The following RNPEP variants were observed in gnomAD, a reference collection of about 807,000 sequenced individuals.
RNPEP encodes the protein aminopeptidase B.
A neutral mutation model predicts 70.1 loss-of-function variants in RNPEP; 57 were observed. The observed-to-expected ratio is 0.81, with a 90% CI of 0.66 to 1.01. The LOEUF (loss-of-function observed/expected upper bound fraction) is 1.01. Among genes scored for constraint, RNPEP ranks in the 50% least tolerant of loss-of-function variants. The probability of loss-of-function intolerance (pLI) is 0.00; values close to 1 mark genes in which losing one functional copy is unlikely to be tolerated. For synonymous variants in RNPEP, 335 were observed against 357.4 expected, an observed-to-expected ratio of 0.94 and a Z score of 0.71; for missense variants, 787 against 852.4, an observed-to-expected ratio of 0.92 and a Z score of 0.96.
At chr1:201,988,140 C>T (rs1260806642) in intron 1 of RNPEP, among the ~76,000 whole-genome samples, 1 of 133,138 alleles carries the variant, frequency 7.5e-6, no homozygotes, top group Non-Finnish European at 1.6e-5. Context: ...AACTCTATCT[C>T]GAAAAAAAAA....
chr1:201,995,030 G>T (rs1385648014), intron 3 of RNPEP, among the ~76,000 whole-genome samples: 1 of 151,934 alleles, frequency 6.6e-6, no homozygotes, highest in African/African-American at 2.4e-5. Flanking sequence ...GCAGCCAGGG[G>T]CTCTTGGTCA....
At chr1:201,993,596 C>CA (rs528351091) in intron 3 of RNPEP, among the ~76,000 whole-genome samples, 14 of 128,418 alleles carry the variant, frequency 1.1e-4, no homozygotes, top group Non-Finnish European at 2.3e-4. Flanking sequence ...GACTCCACCT[C>CA]AAAAAAAAGC....
intron 3 of RNPEP, among the ~76,000 whole-genome samples, chr1:201,993,838 A>G (rs2102970633): frequency 6.6e-6 from 1 of 152,088 alleles, no homozygotes; most frequent in Admixed American, 6.6e-5. Context: ...GGCACGACAC[A>G]CTGTCCTTCC....
intron 9 of RNPEP, 118 bp downstream of exon 9, chr1:202,003,579 A>G (rs1282961658): frequency 4.3e-6 from 3 of 701,108 alleles, no homozygotes; most frequent in African/African-American, 3.6e-5. Context: ...TACACTAGGG[A>G]GGCTGGCACT....
At chr1:202,004,591 A>G in intron 10 of RNPEP, 95 bp downstream of exon 10, 1 of 1,464,152 alleles carries the variant, frequency 6.8e-7, no homozygotes, top group East Asian at 2.3e-5. Context: ...TCTAGGACTC[A>G]TCTGAGGCAC....
At position 201,997,268 on chromosome 1, in the gene RNPEP, G is replaced by A. The variant is rs772173933; in HGVS notation, c.855-51G>A. 8 of 1,412,778 alleles carry A rather than the reference G, an allele frequency of 5.7e-6. No individual in the cohort carries two copies. The South Asian group carries it at 9.2e-5, about 16-fold the overall frequency. The allele number at this position is 1,412,778 out of a possible 1,614,324, so 87.5% of individuals were successfully genotyped here. On this transcript the variant is annotated intron_variant, in intron 4 of 10. Coordinates refer to ENST00000295640, the MANE Select transcript of RNPEP (RefSeq NM_020216.4). ...AGGCTGGAAAGGGAGGCGAGGTAGGGTCTGCTCCGGGAAGCCAGGGCCTCT... is the reference window on the plus strand; with the variant it reads ...AGGCTGGAAAGGGAGGCGAGGTAGGATCTGCTCCGGGAAGCCAGGGCCTCT...
chr1:201,983,202 G>T, intron 1 of RNPEP, 89 bp downstream of exon 1: 1 of 1,388,506 alleles, frequency 7.2e-7, no homozygotes, highest in South Asian at 1.6e-5. Context: ...CACCCGGGAG[G>T]AGGGACAGGG....
intron 1 of RNPEP, among the ~76,000 whole-genome samples, chr1:201,984,080 G>A (rs1283294838): frequency 6.6e-6 from 1 of 152,070 alleles, no homozygotes; most frequent in African/African-American, 2.4e-5. Context: ...ACAGGCGTGC[G>A]CCACCACACC....
intron 5 of RNPEP, among the ~76,000 whole-genome samples, chr1:201,997,765 A>AGTT (rs1410253527): frequency 0.028 from 1,280 of 45,426 alleles, 24 homozygotes; most frequent in African/African-American, 0.048. Flanking sequence ...CCAGGTCATT[A>AGTT]GTTTTTTTTT....
At chr1:202,000,893 TAA>T (rs35891956) in intron 6 of RNPEP, 38,464 of 134,260 alleles carry the variant, frequency 0.29, 5,462 homozygotes, top group South Asian at 0.51. Context: ...GACTCCGTCT[TAA>T]AAAAAAAAAA....
chr1:201,982,987 C>T lies in RNPEP; in HGVS notation c.321C>T (p.Pro107=), dbSNP rs1004484397. ...RPGSEEPPAE[P]VSFYTQPFSH... ...GCTCGGAGGAGCCGCCTGCGGAGCC[C>T]GTGAGCTTCTACACGCAGCCCTTCT... The change falls in exon 1 of 11, where the codon CCC becomes CCT. Residue 107 remains proline, a synonymous_variant. Coordinates refer to ENST00000295640, the MANE Select transcript of RNPEP (RefSeq NM_020216.4). 1.3e-6 allele frequency: 2 copies of T among 1,516,364 alleles called. No homozygotes were observed. Among genetic ancestry groups the T allele is most frequent in the African/African-American group, 2.9e-5 (2 of 68,998 alleles). The allele number at this position is 1,516,364 out of a possible 1,614,324, so 93.9% of individuals were successfully genotyped here.
intron 6 of RNPEP, chr1:202,001,158 G>T (rs889701963): frequency 3.6e-6 from 2 of 552,052 alleles, no homozygotes; most frequent in Admixed American, 3.1e-5. Flanking sequence ...AGAGATCTTG[G>T]CCTTGAGATA....
chr1:201,991,629 T>G (rs1226935617), intron 3 of RNPEP, among the ~76,000 whole-genome samples: 3 of 152,232 alleles, frequency 2.0e-5, no homozygotes, highest in Non-Finnish European at 4.4e-5. Context: ...GAGTGGCTTG[T>G]GCAGGACCAC....
In RNPEP at chr1:202,005,725, G is replaced by A; in HGVS notation, c.*9G>A. The A allele has an allele frequency of 8.1e-6, 13 of 1,613,920 alleles. No individual in the cohort carries two copies. The highest frequency in any genetic ancestry group is 1.1e-5 in the Non-Finnish European group (13 of 1,179,788). ...CACCCAAGGGCAGTTAGAGGCTCGT[G>A]TGCATGGCCCCTGCCTCTTCAGGCT... On this transcript the variant is annotated 3_prime_UTR_variant, in exon 11 of 11. Coordinates refer to ENST00000295640, the MANE Select transcript of RNPEP (RefSeq NM_020216.4).
intron 1 of RNPEP, chr1:201,983,410 G>T: frequency 6.7e-7 from 1 of 1,485,690 alleles, no homozygotes; most frequent in Non-Finnish European, 9.0e-7. Flanking sequence ...AGATTGCGCC[G>T]CATTCCCGCT....
intron 7 of RNPEP, 71 bp downstream of exon 7, chr1:202,001,559 G>T: frequency 6.9e-7 from 1 of 1,446,986 alleles, no homozygotes; most frequent in Non-Finnish European, 9.7e-7. Flanking sequence ...GTAGAGGCAG[G>T]GGGCGAAAGA....
At chr1:201,992,105 C>T (rs1285097968) in intron 3 of RNPEP, among the ~76,000 whole-genome samples, 1 of 151,656 alleles carries the variant, frequency 6.6e-6, no homozygotes, top group Non-Finnish European at 1.5e-5. Flanking sequence ...AATAACAGCC[C>T]ATTGAACCTC....
chr1:201,998,139 T>G (rs1558265503), intron 5 of RNPEP, among the ~76,000 whole-genome samples: 1 of 152,128 alleles, frequency 6.6e-6, no homozygotes, highest in Non-Finnish European at 1.5e-5. Context: ...CATTGAAATA[T>G]GTTGACAAAT....
Position 201,982,917 on chromosome 1 carries a change from C to T in RNPEP, c.251C>T (p.Pro84Leu), listed in dbSNP as rs1003224340. The T allele has an allele frequency of 1.4e-6, 2 of 1,478,186 alleles. No individual in the cohort carries two copies. Among genetic ancestry groups the T allele is most frequent in the Non-Finnish European group, 1.8e-6 (2 of 1,118,086 alleles). 91.6% of individuals were successfully genotyped at this position (1,478,186 alleles called of 1,614,324 possible). The change falls in exon 1 of 11, where the codon CCG becomes CTG. Residue 84 changes from proline to leucine, a missense_variant. By Grantham distance (98) the Pro-to-Leu change is moderately conservative. Transcript: ENST00000295640. ...GAAELRLDSH[P>L]CLEVTAAALR... Reference sequence around the variant, plus strand: ...GCCGAGCTGCGGCTGGACTCGCACCCGTGCCTGGAGGTGACGGCGGCGGCG... The same window carrying T: ...GCCGAGCTGCGGCTGGACTCGCACCTGTGCCTGGAGGTGACGGCGGCGGCG...
Sources: allele counts gnomAD v4.1 joint callset (sites outside exome capture counted in the v4.1 genomes callset), GRCh38; gene constraint gnomAD v4.1.1; transcripts MANE v1.5; gene names NCBI Gene and HGNC (gene_info 2026-07-23, HGNC 2026-07-21).